HECA: variants seen among roughly 807,000 people sequenced by gnomAD.
The protein encoded by HECA is HECA ribonucleoprotein granule regulator.
Under a neutral mutation model 37.6 loss-of-function variants are expected in HECA, and 13 were observed. The observed-to-expected ratio is 0.35, with a 90% CI of 0.23 to 0.55. The LOEUF is 0.55. Ranked by LOEUF, HECA falls within the 20% of genes least tolerant of loss-of-function variation. HECA has a pLI of 0.90. For synonymous variants in HECA, 307 were observed against 291.5 expected (o/e 1.05, Z -0.54); for missense variants, 527 against 701.9 (o/e 0.75, Z 2.82).
Position 139,180,605 on chromosome 6 carries a change from C to T in HECA, c.*3500C>T, listed in dbSNP as rs1775121880. On this transcript the variant is annotated 3_prime_UTR_variant, in exon 4 of 4. Coordinates refer to ENST00000367658, the MANE Select transcript of HECA (RefSeq NM_016217.3). ...TATAATGGATGGGCTCCATTAAAAC[C>T]AGCTCAAAAATAAATTCTTGTCAGT... The T allele has an allele frequency of 2.0e-5, 3 of 152,582 alleles. No individual in the cohort carries two copies. In the South Asian group the frequency reaches 6.2e-4, roughly 32 times the overall value. The allele number at this position is 152,582 out of a possible 1,614,324, so 9.5% of individuals were successfully genotyped here. A position where few individuals can be genotyped will look rare whatever the true frequency, so the allele number is the denominator to read the frequency against.
intron 1 of HECA, among the ~76,000 whole-genome samples, chr6:139,152,504 CCTA>C (rs1202720055): frequency 6.7e-6 from 1 of 149,938 alleles, no homozygotes; most frequent in Non-Finnish European, 1.5e-5. Flanking sequence ...TCGTTTAAAT[CCTA>C]CTGTAAGCAA....
In HECA at chr6:139,176,888, CAAGTGTT is replaced by C; in HGVS notation, c.1468-52_1468-46del. 1 of 825,794 alleles carries C rather than the reference CAAGTGTT, an allele frequency of 1.2e-6. No individual in the cohort carries two copies. Among genetic ancestry groups the C allele is most frequent in the South Asian group, 1.4e-5 (1 of 72,552 alleles). The allele number at this position is 825,794 out of a possible 1,614,324, so 51.2% of individuals were successfully genotyped here. A position where few individuals can be genotyped will look rare whatever the true frequency, so the allele number is the denominator to read the frequency against. On this transcript the variant is annotated intron_variant, in intron 3 of 3. Coordinates refer to ENST00000367658, the MANE Select transcript of HECA (RefSeq NM_016217.3). This position sits in a 1 kb window ranked among gnomAD's most constrained non-coding sequence, Gnocchi z 4.5. ...AGCATTTTGGTTTGGATGACTTTGACAAGTGTTGGGAAGTGGAGGGGTGTTGTGGCTG... is the reference window on the plus strand; with the variant it reads ...AGCATTTTGGTTTGGATGACTTTGACGGGAAGTGGAGGGGTGTTGTGGCTG...
At chr6:139,142,653 A>G (rs2114436898) in intron 1 of HECA, among the ~76,000 whole-genome samples, 1 of 152,284 alleles carries the variant, frequency 6.6e-6, no homozygotes, top group South Asian at 2.1e-4. Flanking sequence ...GATTTTAAAA[A>G]GTAGTAATGG....
At chr6:139,166,237 C>T in intron 1 of HECA, 47 bp from the exon 2 acceptor site, 4 of 1,475,020 alleles carry the variant, frequency 2.7e-6, no homozygotes, top group Non-Finnish European at 3.7e-6. Flanking sequence ...GTTGAGTACC[C>T]CTAATCCAAA....
intron 1 of HECA, among the ~76,000 whole-genome samples, chr6:139,159,758 A>C (rs1037590510): frequency 7.2e-5 from 11 of 152,208 alleles, no homozygotes; most frequent in Non-Finnish European, 1.2e-4. Context: ...TACAAGGATG[A>C]ATGTGACTAA....
chr6:139,149,563 T>A (rs1774627216), intron 1 of HECA, among the ~76,000 whole-genome samples: 1 of 152,242 alleles, frequency 6.6e-6, no homozygotes, highest in South Asian at 2.1e-4. Flanking sequence ...AGTGCAGATG[T>A]TGGCTTTCCC....
At chr6:139,157,150 TC>T (rs745452356) in intron 1 of HECA, among the ~76,000 whole-genome samples, 12 of 152,318 alleles carry the variant, frequency 7.9e-5, no homozygotes, top group Admixed American at 2.0e-4. Context: ...TAGGGTAACT[TC>T]CTGACGTTGC....
At position 139,179,904 on chromosome 6, in the gene HECA, A is replaced by G. The variant is rs1775110954; in HGVS notation, c.*2799A>G. On this transcript the variant is annotated 3_prime_UTR_variant, in exon 4 of 4. Transcript: ENST00000367658. Reference sequence around the variant, plus strand: ...ATAATTTCAAAGTGATTTTTCGTCTATTCTTAATATTTTTTAATTATTTAT... The same window carrying G: ...ATAATTTCAAAGTGATTTTTCGTCTGTTCTTAATATTTTTTAATTATTTAT... The G allele has an allele frequency of 6.6e-6, 1 of 152,202 alleles. No homozygotes were observed. The highest frequency in any genetic ancestry group is 1.5e-5 in the Non-Finnish European group (1 of 68,018). 9.4% of individuals were successfully genotyped at this position (152,202 alleles called of 1,614,324 possible).
intron 2 of HECA, among the ~76,000 whole-genome samples, chr6:139,171,179 AGT>A (rs1774967197): frequency 6.6e-6 from 1 of 152,166 alleles, no homozygotes; most frequent in African/African-American, 2.4e-5. Flanking sequence ...AGTTTATAAC[AGT>A]GGTGGTTAAA....
intron 1 of HECA, among the ~76,000 whole-genome samples, chr6:139,142,148 G>A (rs1328767595): frequency 4.0e-5 from 6 of 151,864 alleles, no homozygotes; most frequent in African/African-American, 7.3e-5. Flanking sequence ...GGATGGTCTC[G>A]ATCTCTTGAC....
chr6:139,163,863 G>A (rs186461184), intron 1 of HECA, among the ~76,000 whole-genome samples: 2 of 152,108 alleles, frequency 1.3e-5, no homozygotes, highest in East Asian at 1.9e-4. Context: ...TCATCTGTGG[G>A]TGAGTGACTC....
intron 1 of HECA, among the ~76,000 whole-genome samples, chr6:139,156,245 A>G (rs961161303): frequency 6.6e-6 from 1 of 151,964 alleles, no homozygotes; most frequent in African/African-American, 2.4e-5. Flanking sequence ...TCTGTCACAC[A>G]GGCTGTGGTG....
chr6:139,161,840 AAAC>A (rs1175638104), intron 1 of HECA, among the ~76,000 whole-genome samples: 2 of 152,220 alleles, frequency 1.3e-5, no homozygotes, highest in Non-Finnish European at 2.9e-5. Context: ...ATCAAGATAA[AAAC>A]AACTACACTT....
intron 1 of HECA, among the ~76,000 whole-genome samples, chr6:139,147,732 C>T (rs1488164293): frequency 6.6e-6 from 1 of 152,210 alleles, no homozygotes; most frequent in Non-Finnish European, 1.5e-5. Context: ...TGATCTGATC[C>T]TTCTATCACA....
At chr6:139,148,593 A>G (rs908098371) in intron 1 of HECA, among the ~76,000 whole-genome samples, 1 of 152,112 alleles carries the variant, frequency 6.6e-6, no homozygotes, top group Admixed American at 6.5e-5. Flanking sequence ...GTGAAACCCC[A>G]TGTCACTACT....
At chr6:139,141,348 T>C (rs1774510381) in intron 1 of HECA, among the ~76,000 whole-genome samples, 1 of 152,244 alleles carries the variant, frequency 6.6e-6, no homozygotes, top group Admixed American at 6.5e-5. Flanking sequence ...ATAATCTGAT[T>C]TTTACACATA....
Position 139,135,392 on chromosome 6 carries a change from G to A in HECA, c.-5G>A. On this transcript the variant is annotated 5_prime_UTR_variant, in exon 1 of 4. Coordinates refer to ENST00000367658, the MANE Select transcript of HECA (RefSeq NM_016217.3). ...CGGGCACCTACCTGGACGCGAGCGA[G>A]CGAGATGCCCAACCCCAAAAACAGC... 1.5e-6 allele frequency: 2 copies of A among 1,376,356 alleles called. No individual in the cohort carries two copies. Among genetic ancestry groups the A allele is most frequent in the South Asian group, 2.7e-5 (2 of 73,454 alleles). The allele number at this position is 1,376,356 out of a possible 1,614,324, so 85.3% of individuals were successfully genotyped here. A position where few individuals can be genotyped will look rare whatever the true frequency, so the allele number is the denominator to read the frequency against.
intron 1 of HECA, among the ~76,000 whole-genome samples, chr6:139,147,185 G>A (rs1774595111): frequency 6.6e-6 from 1 of 152,164 alleles, no homozygotes; most frequent in Non-Finnish European, 1.5e-5. Flanking sequence ...TTGGAATCTT[G>A]TTGATGTTGG....
intron 1 of HECA, among the ~76,000 whole-genome samples, chr6:139,138,127 TTTTC>T (rs747861663): frequency 3.3e-5 from 5 of 152,194 alleles, no homozygotes; most frequent in African/African-American, 7.2e-5. Flanking sequence ...TTTTCTTTTC[TTTTC>T]TTTCTTTCTT....
Sources: gnomAD v4.1 joint callset for allele counts (sites outside exome capture counted in the v4.1 genomes callset) on GRCh38, gnomAD v4.1.1 for gene constraint, Gnocchi (gnomAD v3.1) non-coding constraint, MANE v1.5 for transcripts, NCBI Gene and HGNC (gene_info 2026-07-23, HGNC 2026-07-21) for gene names.